The following GRB10 variants were observed in gnomAD, a reference collection of about 807,000 sequenced individuals.
The protein encoded by GRB10 is growth factor receptor-bound protein 10.
Under a neutral mutation model 80.9 loss-of-function variants are expected in GRB10, and 20 were observed. That is an observed-to-expected ratio of 0.25 (90% confidence interval 0.17 to 0.36). The LOEUF (loss-of-function observed/expected upper bound fraction) is 0.36. Ranked by LOEUF, GRB10 falls within the 10% of genes least tolerant of loss-of-function variation. The pLI is 1.00. For synonymous variants in GRB10, 291 were observed against 291.5 expected (o/e 1.00, Z 0.02); for missense variants, 548 against 747.7 (o/e 0.73, Z 3.12).
intron 4 of GRB10, among the ~76,000 whole-genome samples, chr7:50,728,634 C>A (rs1248986305): frequency 2.6e-5 from 4 of 152,138 alleles, no homozygotes; most frequent in Non-Finnish European, 4.4e-5. Context: ...GAAGCAGCCA[C>A]AGACAATACA....
chr7:50,616,446 G>T (rs1187142129), intron 10 of GRB10, 99 bp from the exon 11 acceptor site: 1 of 1,167,064 alleles, frequency 8.6e-7, no homozygotes, highest in South Asian at 1.3e-5. Flanking sequence ...ATTATTAAAA[G>T]ACTCCTTTTT....
chr7:50,787,850 C>T (rs931614882), upstream of GRB10, among the ~76,000 whole-genome samples: 1 of 152,224 alleles, frequency 6.6e-6, no homozygotes, highest in African/African-American at 2.4e-5. Context: ...TCAGGTAACA[C>T]CCCTGCAGCC....
intron 4 of GRB10, among the ~76,000 whole-genome samples, chr7:50,724,739 C>G (rs1056368137): frequency 3.9e-5 from 6 of 152,168 alleles, no homozygotes; most frequent in Non-Finnish European, 8.8e-5. Context: ...TGGGTAATGA[C>G]ACATAACTTC....
rs1425714457 is a variant in GRB10 at position 50,674,487 on chromosome 7, G to A, written c.311C>T (p.Ser104Phe). The A allele has an allele frequency of 5.0e-6, 8 of 1,608,576 alleles. No homozygotes were observed. Among genetic ancestry groups the A allele is most frequent in the Non-Finnish European group, 6.8e-6 (8 of 1,180,014 alleles). Reference sequence around the variant, plus strand: ...GGAGCGCTGCACCCTCTGCCTCGGGGACACCTGTGGCTGGATGGACCGAGG... The same window carrying A: ...GGAGCGCTGCACCCTCTGCCTCGGGAACACCTGTGGCTGGATGGACCGAGG... Reference protein sequence around the residue: ...GPPRSIQPQVSPRQRVQRSQP... With the variant: ...GPPRSIQPQVFPRQRVQRSQP... Residue 104 changes from serine (S) to phenylalanine (F), a missense_variant, in exon 6 of 19, where the codon TCC (serine) becomes TTC (phenylalanine). Physicochemically the swap from Ser to Phe is radical, Grantham distance 155 (BLOSUM62 -2). Transcript: ENST00000401949.
chr7:50,592,803 A>T lies in GRB10; in HGVS notation c.*149T>A. 3.3e-6 allele frequency: 3 copies of T among 918,030 alleles called. No homozygotes were observed. Among genetic ancestry groups the T allele is most frequent in the African/African-American group, 1.6e-5 (1 of 61,794 alleles). The allele number at this position is 918,030 out of a possible 1,614,324, so 56.9% of individuals were successfully genotyped here. A position where few individuals can be genotyped will look rare whatever the true frequency, so the allele number is the denominator to read the frequency against. On this transcript the variant is annotated 3_prime_UTR_variant, in exon 19 of 19. Coordinates refer to ENST00000401949, the MANE Select transcript of GRB10 (RefSeq NM_001350814.2). ...AATCGTCGTTTAAGTCCAACAAACTAGTCAATCTTGGTCGGCTGGCACCGA... is the reference window on the plus strand; with the variant it reads ...AATCGTCGTTTAAGTCCAACAAACTTGTCAATCTTGGTCGGCTGGCACCGA...
intron 4 of GRB10, among the ~76,000 whole-genome samples, chr7:50,714,781 C>T (rs1377272162): frequency 6.6e-6 from 1 of 152,090 alleles, no homozygotes; most frequent in East Asian, 1.9e-4. Context: ...TTCTCGTTTT[C>T]TCTCTGGGTC....
At chr7:50,620,760 G>T (rs981635188) in intron 8 of GRB10, among the ~76,000 whole-genome samples, 16 of 152,122 alleles carry the variant, frequency 1.1e-4, no homozygotes, top group African/African-American at 3.9e-4. Context: ...GAGAAACCAA[G>T]AACATGCAAC....
chr7:50,660,185 G>A (rs2059101217), intron 7 of GRB10, among the ~76,000 whole-genome samples: 1 of 152,220 alleles, frequency 6.6e-6, no homozygotes, highest in Non-Finnish European at 1.5e-5. Context: ...CACGTGGGAA[G>A]TAGGGGGTGC....
At chr7:50,778,741 C>G (rs1002642730) in intron 2 of GRB10, among the ~76,000 whole-genome samples, 4 of 152,198 alleles carry the variant, frequency 2.6e-5, no homozygotes, top group Non-Finnish European at 5.9e-5. Context: ...GGCTTGGAGG[C>G]CTTCCAGGTT....
chr7:50,737,278 G>A lies in GRB10; in HGVS notation c.-46-4910C>T, dbSNP rs558133028. Among the ~76,000 whole-genome samples, 5 of 152,134 alleles carry A rather than the reference G, an allele frequency of 3.3e-5. No individual in the cohort carries two copies. The South Asian group carries it at 6.2e-4, about 19-fold the overall frequency. ...CCGGATCATGGGGGTGGTTTCTAAC[G>A]GCGTAACACCATCCCCCTAGTGCTA... On this transcript the variant is annotated intron_variant, in intron 3 of 18. Coordinates refer to ENST00000401949, the MANE Select transcript of GRB10 (RefSeq NM_001350814.2).
At chr7:50,773,406 AGGGGAAGGGGACGGGGAAGGGAAG>A (rs2077190426) in intron 2 of GRB10, among the ~76,000 whole-genome samples, 1 of 38,850 alleles carries the variant, frequency 2.6e-5, no homozygotes, top group South Asian at 1.8e-3. Flanking sequence ...GGGAAGGGGA[AGGGGAAGGGGACGGGGAAGGGAAG>A]GGGAAGGGGA....
chr7:50,754,301 A>G (rs2074684351), intron 3 of GRB10, among the ~76,000 whole-genome samples: 1 of 152,162 alleles, frequency 6.6e-6, no homozygotes, highest in Non-Finnish European at 1.5e-5. Flanking sequence ...TTTTTCTCTG[A>G]CCCATTCTGA....
intron 2 of GRB10, among the ~76,000 whole-genome samples, chr7:50,762,961 C>CA (rs1209415922): frequency 6.6e-6 from 1 of 151,944 alleles, no homozygotes; most frequent in East Asian, 1.9e-4. Context: ...ACTAAAAATA[C>CA]AAAAAAATTA....
chr7:50,707,846 T>C (rs1318050264), intron 4 of GRB10, among the ~76,000 whole-genome samples: 1 of 152,226 alleles, frequency 6.6e-6, no homozygotes, highest in East Asian at 1.9e-4. Context: ...CTGTGCACTG[T>C]GAGGTATGAG....
At chr7:50,763,107 G>C (rs2075943094) in intron 2 of GRB10, among the ~76,000 whole-genome samples, 1 of 147,392 alleles carries the variant, frequency 6.8e-6, no homozygotes, top group African/African-American at 2.5e-5. Context: ...GACAGAGCAA[G>C]ACTCCGTCTC....
chr7:50,763,693 CCTAA>C (rs1267456896), intron 2 of GRB10, among the ~76,000 whole-genome samples: 6 of 152,222 alleles, frequency 3.9e-5, no homozygotes, highest in Admixed American at 3.9e-4. Context: ...GCTCTCCATT[CCTAA>C]CTTTCTCTTC....
intron 7 of GRB10, among the ~76,000 whole-genome samples, chr7:50,632,601 T>C (rs2237446): frequency 0.53 from 80,243 of 152,002 alleles, 21,321 homozygotes; most frequent in Admixed American, 0.54. Flanking sequence ...TTGGTTTCCG[T>C]TGCAGGGAGT....
chr7:50,604,256 G>T (rs1019484862), intron 16 of GRB10, 55 bp downstream of exon 16: 11 of 1,436,962 alleles, frequency 7.7e-6, no homozygotes, highest in Middle Eastern at 1.8e-4. Flanking sequence ...AGTGGAGGGG[G>T]GTGCTGTTTG....
rs3807551 is a variant in GRB10 at position 50,592,707 on chromosome 7, G to A, written c.*245C>T. On this transcript the variant is annotated 3_prime_UTR_variant, in exon 19 of 19. Transcript: ENST00000401949. ...CATTCCAGTTTATTTTCAACTTTCC[G>A]CTGGATCTTCCATGCCCTCCCCAAT... 0.096 allele frequency: 52,767 copies of A among 548,940 alleles called. 3,271 individuals carry two copies. Among genetic ancestry groups the A allele is most frequent in the South Asian group, 0.13 (6,394 of 48,550 alleles). The allele number at this position is 548,940 out of a possible 1,614,324, so 34.0% of individuals were successfully genotyped here. A position where few individuals can be genotyped will look rare whatever the true frequency, so the allele number is the denominator to read the frequency against.
Sources: allele counts gnomAD v4.1 joint callset (sites outside exome capture counted in the v4.1 genomes callset), GRCh38; gene constraint gnomAD v4.1.1; transcripts MANE v1.5; gene names NCBI Gene and HGNC (gene_info 2026-07-23, HGNC 2026-07-21).